COL24A1: variants seen among roughly 807,000 people sequenced by gnomAD.
COL24A1 encodes the protein collagen type XXIV alpha 1 chain.
Under a neutral mutation model 253.9 loss-of-function variants are expected in COL24A1, and 224 were observed. The ratio of observed to expected loss-of-function variants is 0.88; its 90% confidence interval spans 0.79 to 0.99. The LOEUF is 0.99. COL24A1 is among the 50% of genes least tolerant of loss of function. The probability of loss-of-function intolerance (pLI) is 0.00; values close to 1 mark genes in which losing one functional copy is unlikely to be tolerated. For synonymous variants in COL24A1, 685 were observed against 673.7 expected (o/e 1.02, Z -0.26); for missense variants, 2,131 against 2,068.5 (o/e 1.03, Z -0.59).
In COL24A1 at chr1:85,938,853, A is replaced by C. The variant is rs1480446286; in HGVS notation, c.2562+22396T>G. Among the ~76,000 whole-genome samples, 6 of 118,070 alleles carry C rather than the reference A, an allele frequency of 5.1e-5. 1 individual carries two copies. Among genetic ancestry groups the C allele is most frequent in the East Asian group, 3.3e-4 (1 of 3,008 alleles). The allele number at this position is 118,070 out of a possible 152,430, so 77.5% of individuals were successfully genotyped here. Reference sequence around the variant, plus strand: ...AAAAGCCCAGTTACTTAAGCCTAGCATGGGACTACTCAGATGGGTCATAAA... The same window carrying C: ...AAAAGCCCAGTTACTTAAGCCTAGCCTGGGACTACTCAGATGGGTCATAAA... On this transcript the variant is annotated intron_variant, in intron 24 of 59. Transcript: ENST00000370571.
intron 24 of COL24A1, among the ~76,000 whole-genome samples, chr1:85,957,645 T>A (rs1690604830): frequency 6.6e-6 from 1 of 152,202 alleles, no homozygotes; most frequent in Admixed American, 6.5e-5. Flanking sequence ...TCCAAATATA[T>A]CCACTTCTCT....
chr1:85,974,095 T>G (rs917915424), intron 20 of COL24A1, among the ~76,000 whole-genome samples: 1 of 152,072 alleles, frequency 6.6e-6, no homozygotes, highest in African/African-American at 2.4e-5. Flanking sequence ...AAAGTGAAAA[T>G]TGATGAATAT....
intron 20 of COL24A1, among the ~76,000 whole-genome samples, chr1:85,973,169 C>A (rs1692340264): frequency 1.3e-5 from 2 of 152,158 alleles, no homozygotes; most frequent in African/African-American, 4.8e-5. Context: ...ATTCTACCAC[C>A]TGTCAGCTAG....
At chr1:86,154,165 C>G (rs998974825) in intron 1 of COL24A1, 1 of 151,582 alleles carries the variant, frequency 6.6e-6, no homozygotes, top group Admixed American at 6.6e-5. Context: ...CCTCAAACTC[C>G]GAAGGGTTGG....
intron 7 of COL24A1, among the ~76,000 whole-genome samples, chr1:86,063,965 TTAA>T (rs1484169590): frequency 1.3e-5 from 2 of 151,962 alleles, no homozygotes; most frequent in Non-Finnish European, 2.9e-5. Flanking sequence ...TTAATTCTTA[TTAA>T]TAATTTAATC....
intron 23 of COL24A1, among the ~76,000 whole-genome samples, chr1:85,964,602 G>A (rs749021612): frequency 2.6e-5 from 4 of 152,062 alleles, no homozygotes; most frequent in Non-Finnish European, 4.4e-5. Flanking sequence ...CACAGATTGA[G>A]CATCCAAAAT....
rs1488400587 is a variant in COL24A1 at position 86,112,634 on chromosome 1, A to G, written c.1546-14T>C. 6.2e-7 allele frequency: 1 copy of G among 1,612,014 alleles called. No individual in the cohort carries two copies. The highest frequency in any genetic ancestry group is 8.5e-7 in the Non-Finnish European group (1 of 1,178,644). ...CCCTGGTATGCCCTGCAAGTAACGA[A>G]AAAAGTCATCATTCTTGGAACATAC... On this transcript the variant is annotated splice_polypyrimidine_tract_variant and intron_variant, in intron 4 of 59. Transcript: ENST00000370571.
chr1:85,966,517 T>C (rs578223400), intron 22 of COL24A1, among the ~76,000 whole-genome samples: 3 of 152,160 alleles, frequency 2.0e-5, no homozygotes, highest in South Asian at 2.1e-4. Flanking sequence ...TGAGTATAGA[T>C]AGAAATGAGA....
intron 32 of COL24A1, among the ~76,000 whole-genome samples, chr1:85,880,740 G>A (rs1190182301): frequency 8.0e-5 from 12 of 149,336 alleles, no homozygotes; most frequent in Non-Finnish European, 1.5e-5. Context: ...TTTTTATCTT[G>A]AATTGTTGTT....
intron 24 of COL24A1, among the ~76,000 whole-genome samples, chr1:85,941,619 G>A (rs1354554071): frequency 1.4e-5 from 1 of 71,654 alleles, no homozygotes; most frequent in African/African-American, 5.6e-5. Flanking sequence ...AACGAGACAT[G>A]TACTTTTTTT....
chr1:85,747,781 T>C (rs1665416889), intron 55 of COL24A1, among the ~76,000 whole-genome samples: 1 of 152,180 alleles, frequency 6.6e-6, no homozygotes, highest in Non-Finnish European at 1.5e-5. Flanking sequence ...CAAAACTTGA[T>C]AAGTGGTAGT....
chr1:86,074,648 A>T (rs1357883263), intron 7 of COL24A1, among the ~76,000 whole-genome samples: 1 of 152,198 alleles, frequency 6.6e-6, no homozygotes. Context: ...AATCAACAGA[A>T]TCTACATTCT....
At chr1:85,739,873 A>G (rs1318303782) in intron 57 of COL24A1, among the ~76,000 whole-genome samples, 1 of 152,092 alleles carries the variant, frequency 6.6e-6, no homozygotes, top group Admixed American at 6.5e-5. Context: ...TGTTATTACC[A>G]ACAACTGCAT....
At chr1:86,112,533 A>C (rs767550692) in intron 5 of COL24A1, 34 bp downstream of exon 5, 1 of 1,592,912 alleles carries the variant, frequency 6.3e-7, no homozygotes, top group Non-Finnish European at 8.6e-7. Flanking sequence ...GGTGATACTC[A>C]TTAGCTTAAG....
chr1:85,999,866 A>G (rs986169969), intron 19 of COL24A1, among the ~76,000 whole-genome samples: 1 of 152,180 alleles, frequency 6.6e-6, no homozygotes, highest in African/African-American at 2.4e-5. Context: ...TTTTCACAAC[A>G]CAAGAATTGC....
chr1:85,896,073 A>G lies in COL24A1; in HGVS notation c.2833-8T>C, dbSNP rs763177014. 6.2e-7 allele frequency: 1 copy of G among 1,612,768 alleles called. No homozygotes were observed. The highest frequency in any genetic ancestry group is 1.1e-5 in the South Asian group (1 of 90,830). On this transcript the variant is annotated splice_region_variant and splice_polypyrimidine_tract_variant and intron_variant, in intron 29 of 59. Transcript: ENST00000370571. ...TTGATCTCCTTTTTCACCCTAACAA[A>G]GTATCAAAGCCAGGTGAGTTAGTAA...
intron 23 of COL24A1, among the ~76,000 whole-genome samples, chr1:85,963,758 T>C (rs72954562): frequency 0.012 from 1,790 of 152,270 alleles, 29 homozygotes; most frequent in African/African-American, 0.04. Flanking sequence ...TAGATTTTGG[T>C]GTGATTCTAG....
Position 86,017,142 on chromosome 1 carries a change from A to G in COL24A1, c.2310+9T>C, listed in dbSNP as rs766841785. ...TTTCAAATTTATTAACTTTCCACCAATATTTTACCTCTGGTCCTGGAGGGC... is the reference window on the plus strand; with the variant it reads ...TTTCAAATTTATTAACTTTCCACCAGTATTTTACCTCTGGTCCTGGAGGGC... On this transcript the variant is annotated intron_variant, in intron 19 of 59. Transcript: ENST00000370571. The G allele has an allele frequency of 1.4e-5, 22 of 1,594,568 alleles. No individual in the cohort carries two copies. The highest frequency in any genetic ancestry group is 1.7e-4 in the Middle Eastern group (1 of 6,026).
chr1:85,833,667 G>A (rs569440169), intron 43 of COL24A1, among the ~76,000 whole-genome samples: 181 of 152,174 alleles, frequency 1.2e-3, no homozygotes, highest in Non-Finnish European at 2.0e-3. Context: ...ACATGCACAC[G>A]TATGTTTATT....
Sources: allele counts gnomAD v4.1 joint callset (sites outside exome capture counted in the v4.1 genomes callset), GRCh38; gene constraint gnomAD v4.1.1; transcripts MANE v1.5; gene names NCBI Gene and HGNC (gene_info 2026-07-23, HGNC 2026-07-21).